SMYD1: variants seen among roughly 807,000 people sequenced by gnomAD.
The protein encoded by SMYD1 is SET and MYND domain containing 1, also known as histone-lysine N-methyltransferase SMYD1.
SMYD1 carries 49 observed loss-of-function variants against 54.0 expected under a neutral mutation model. That is an observed-to-expected ratio of 0.91 (90% CI 0.72 to 1.15). The LOEUF (loss-of-function observed/expected upper bound fraction) is 1.15. SMYD1 is among the 50% of genes most tolerant of loss of function. SMYD1 has a pLI of 0.00. For missense variants in SMYD1, 653 were observed against 639.6 expected (o/e 1.02, Z -0.23); for synonymous variants, 269 against 234.2 (o/e 1.15, Z -1.36).
intron 1 of SMYD1, among the ~76,000 whole-genome samples, chr2:88,068,293 G>T (rs13391347): frequency 0.16 from 25,078 of 152,076 alleles, 3,931 homozygotes; most frequent in African/African-American, 0.41. Context: ...GGAGTGGAAA[G>T]GTGGGTGTGG....
At chr2:88,081,476 A>T (rs1225326193) in intron 1 of SMYD1, among the ~76,000 whole-genome samples, 1 of 148,696 alleles carries the variant, frequency 6.7e-6, no homozygotes, top group Non-Finnish European at 1.5e-5. Flanking sequence ...TTGATCTGTC[A>T]CCCAGGCTGG....
intron 9 of SMYD1, 96 bp downstream of exon 9, chr2:88,108,635 C>A (rs1461420312): frequency 2.4e-6 from 3 of 1,274,422 alleles, no homozygotes; most frequent in Non-Finnish European, 3.2e-6. Flanking sequence ...GAAAAGTCCA[C>A]ATACTCCCAG....
chr2:88,105,339 A>G (rs1237448680), intron 7 of SMYD1, among the ~76,000 whole-genome samples: 3 of 151,280 alleles, frequency 2.0e-5, no homozygotes, highest in Non-Finnish European at 4.4e-5. Flanking sequence ...TATAAGATAT[A>G]TAAATATATT....
chr2:88,084,841 C>T (rs967455506), intron 2 of SMYD1, among the ~76,000 whole-genome samples: 2 of 152,150 alleles, frequency 1.3e-5, no homozygotes, highest in South Asian at 2.1e-4. Context: ...GCCTTGACCT[C>T]CCAGGCTCAA....
chr2:88,108,403 G>A lies in SMYD1; in HGVS notation c.1178G>A (p.Gly393Asp), dbSNP rs112558914. ...KLYHPNNAQL[G>D]MAVMRAGLTN... ...TACCACCCCAACAATGCCCAACTGG[G>A]CATGGCCGTGATGCGGGCAGGGCTG... Residue 393 changes from glycine to aspartate, a missense_variant, in exon 9 of 10, where the codon GGC (glycine) becomes GAC (aspartate). Physicochemically the swap from Gly to Asp is moderately conservative, Grantham distance 94 (BLOSUM62 -1). Transcript: ENST00000419482. The A allele has an allele frequency of 4.2e-4, 667 of 1,606,512 alleles. No homozygotes were observed. The highest frequency in any genetic ancestry group is 7.0e-4 in the Admixed American group (41 of 58,768).
At position 88,106,431 on chromosome 2, in the gene SMYD1, A is replaced by G; in HGVS notation, c.1088A>G (p.Tyr363Cys). ...AGCATTGTTTCGGAGGTCCTTTCCT[A>G]CCTCCAGGCCTTTGAGGAGGCCTCG... ...MLSIVSEVLS[Y>C]LQAFEEASFY... Residue 363 changes from tyrosine (Y) to cysteine (C), a missense_variant, in exon 8 of 10, where the codon TAC (tyrosine) becomes TGC (cysteine). Tyr to Cys is a radical substitution (Grantham distance 194). Transcript: ENST00000419482. 6.2e-7 allele frequency: 1 copy of G among 1,613,880 alleles called. No homozygotes were observed. The highest frequency in any genetic ancestry group is 8.5e-7 in the Non-Finnish European group (1 of 1,179,974).
intron 6 of SMYD1, among the ~76,000 whole-genome samples, chr2:88,098,131 A>G (rs183607213): frequency 6.6e-6 from 1 of 152,328 alleles, no homozygotes; most frequent in Admixed American, 6.5e-5. Flanking sequence ...AACATGTCTT[A>G]TCTGTGAGCC....
chr2:88,088,100 A>G (rs767683797), intron 3 of SMYD1, 25 bp downstream of exon 3: 3 of 1,586,314 alleles, frequency 1.9e-6, no homozygotes, highest in South Asian at 2.3e-5. Flanking sequence ...TCCCTTCTCC[A>G]TCCTCCCTGT....
At chr2:88,100,307 T>C (rs1305845812) in intron 6 of SMYD1, among the ~76,000 whole-genome samples, 1 of 152,150 alleles carries the variant, frequency 6.6e-6, no homozygotes, top group African/African-American at 2.4e-5. Flanking sequence ...TTAAAAAAAA[T>C]TGACTCACTT....
chr2:88,103,277 G>A, intron 7 of SMYD1, 127 bp downstream of exon 7: 1 of 689,900 alleles, frequency 1.4e-6, no homozygotes, highest in East Asian at 2.7e-5. Flanking sequence ...TATTTTTCTA[G>A]AAGATGTCCC....
Position 88,107,697 on chromosome 2 carries a change from G to T in SMYD1, c.1146-674G>T, listed in dbSNP as rs1051246050. ...CCTTGCAGTTTGATCTCAGACTGCT[G>T]TGCTAGCAATGAGCGAGGCTCCATG... On this transcript the variant is annotated intron_variant, in intron 8 of 9. Coordinates refer to ENST00000419482, the MANE Select transcript of SMYD1 (RefSeq NM_198274.4). 3.9e-5 allele frequency among the ~76,000 whole-genome samples: 6 copies of T among 152,318 alleles called. No individual in the cohort carries two copies. The East Asian group carries it at 1.2e-3, about 29-fold the overall frequency.
intron 9 of SMYD1, among the ~76,000 whole-genome samples, chr2:88,109,830 T>C (rs1674968568): frequency 6.6e-6 from 1 of 152,192 alleles, no homozygotes; most frequent in African/African-American, 2.4e-5. Flanking sequence ...GCAGAGCCTT[T>C]GTCAATTTTA....
rs753500546 is a variant in SMYD1 at position 88,096,724 on chromosome 2, T to C, written c.828T>C (p.Cys276=). ...AGCAGTACTACTTTGACTGCACATG[T>C]GAACACTGCCAGAAAAAACTGAAGG... ...LKKQYYFDCT[C]EHCQKKLKDD... Residue 276 remains cysteine, a synonymous_variant, in exon 6 of 10, where the codon TGT becomes TGC. Transcript: ENST00000419482. The C allele has an allele frequency of 1.5e-5, 24 of 1,614,062 alleles. No individual in the cohort carries two copies. The South Asian group carries it at 2.6e-4, about 18-fold the overall frequency.
intron 1 of SMYD1, among the ~76,000 whole-genome samples, chr2:88,082,126 C>T (rs150727124): frequency 4.3e-4 from 66 of 152,166 alleles, no homozygotes; most frequent in African/African-American, 1.5e-3. Flanking sequence ...TGACAAATGA[C>T]CTTCTCAGGG....
At chr2:88,069,760 C>A (rs539057672) in intron 1 of SMYD1, among the ~76,000 whole-genome samples, 2 of 152,226 alleles carry the variant, frequency 1.3e-5, no homozygotes, top group East Asian at 3.9e-4. Context: ...TATCTATTTT[C>A]GGTTTGTTTT....
intron 1 of SMYD1, among the ~76,000 whole-genome samples, chr2:88,076,359 C>T (rs1432594166): frequency 1.3e-5 from 2 of 152,136 alleles, no homozygotes; most frequent in Non-Finnish European, 2.9e-5. Flanking sequence ...GGACTACAGG[C>T]GCCCGCCACC....
chr2:88,082,981 T>C (rs1674232981), intron 1 of SMYD1: 1 of 152,182 alleles, frequency 6.6e-6, no homozygotes, highest in Non-Finnish European at 1.5e-5. Context: ...CTGTGGGAAT[T>C]AGAATATTCA....
At chr2:88,089,139 T>C (rs979279887) in intron 3 of SMYD1, among the ~76,000 whole-genome samples, 2 of 152,190 alleles carry the variant, frequency 1.3e-5, no homozygotes, top group African/African-American at 2.4e-5. Flanking sequence ...CAGGGAAGTG[T>C]TGCAGTTCAA....
At chr2:88,108,336 G>C (rs984659051) in intron 8 of SMYD1, 35 bp from the exon 9 acceptor site, 1 of 1,510,174 alleles carries the variant, frequency 6.6e-7, no homozygotes, top group African/African-American at 1.4e-5. Context: ...AAGGGTGATT[G>C]GTATGATGTA....
Sources: gnomAD v4.1 joint callset for allele counts (sites outside exome capture counted in the v4.1 genomes callset) on GRCh38, gnomAD v4.1.1 for gene constraint, MANE v1.5 for transcripts, NCBI Gene and HGNC (gene_info 2026-07-23, HGNC 2026-07-21) for gene names.